Variants in CPED1 observed in about 807,000 individuals in gnomAD.
CPED1 encodes cadherin like and PC-esterase domain containing 1.
In CPED1, 114 loss-of-function variants were observed where a neutral mutation model predicts 128.2. The ratio of observed to expected loss-of-function variants is 0.89; its 90% CI spans 0.76 to 1.04. The LOEUF is 1.04. CPED1 is among the 50% of genes least tolerant of loss of function. CPED1 has a pLI of 0.00. For synonymous variants in CPED1, 462 were observed against 426.7 expected, an observed-to-expected ratio of 1.08 and a Z score of -1.02; for missense variants, 1,211 against 1,207.1, an observed-to-expected ratio of 1.00 and a Z score of -0.05.
Position 120,989,607 on chromosome 7 carries a change from G to A in CPED1, c.-15G>A. The A allele has an allele frequency of 1.2e-6, 2 of 1,612,490 alleles. No individual in the cohort carries two copies. Among genetic ancestry groups the A allele is most frequent in the Non-Finnish European group, 1.7e-6 (2 of 1,179,302 alleles). On this transcript the variant is annotated 5_prime_UTR_variant, in exon 2 of 23. An upstream open reading frame in the 5' UTR loses its in-frame stop. Transcript: ENST00000310396. Reference sequence around the variant, plus strand: ...CCCGCAACGTGGACAGGGGCCAAGTGAAGCTGAACTGGTCATGGTCTGTCG... The same window carrying A: ...CCCGCAACGTGGACAGGGGCCAAGTAAAGCTGAACTGGTCATGGTCTGTCG...
At chr7:121,155,236 C>T (rs563469625) in intron 16 of CPED1, among the ~76,000 whole-genome samples, 2 of 152,266 alleles carry the variant, frequency 1.3e-5, no homozygotes, top group East Asian at 3.9e-4. Flanking sequence ...GAAAGATGTT[C>T]CATGCTCATG....
chr7:121,073,827 G>A (rs945026270), intron 5 of CPED1, among the ~76,000 whole-genome samples: 1 of 65,220 alleles, frequency 1.5e-5, no homozygotes, highest in East Asian at 4.2e-4. Context: ...TTTTTTTTTT[G>A]CCAAATCCAC....
At chr7:121,020,629 A>G (rs2116827968) in intron 3 of CPED1, among the ~76,000 whole-genome samples, 1 of 152,046 alleles carries the variant, frequency 6.6e-6, no homozygotes, top group Admixed American at 6.6e-5. Flanking sequence ...GAAGGTTTAC[A>G]ATAAAATATA....
At position 121,015,685 on chromosome 7, in the gene CPED1, A is replaced by C. The variant is rs2116813583; in HGVS notation, c.270A>C (p.Thr90=). 1.2e-6 allele frequency: 2 copies of C among 1,600,034 alleles called. 1 individual carries two copies. Among genetic ancestry groups the C allele is most frequent in the Admixed American group, 3.6e-5 (2 of 55,960 alleles). The change falls in exon 3 of 23, where the codon ACA becomes ACC. Residue 90 remains threonine (T), a synonymous_variant. Transcript: ENST00000310396. ...ETRKVKESME[T]HFGSHGRRAI... is the part of the protein sequence containing the mutation. ...CTTAGGTCAAAGAATCAATGGAGACACACTTTGGCAGCCATGGCCGAAGGG... is the reference window on the plus strand; with the variant it reads ...CTTAGGTCAAAGAATCAATGGAGACCCACTTTGGCAGCCATGGCCGAAGGG...
rs1157885862 is a variant in CPED1 at position 121,074,509 on chromosome 7, G to GTTTTTTTTTTTTTTT, written c.616+10200_616+10214dup. On this transcript the variant is annotated intron_variant, in intron 5 of 22. Coordinates refer to ENST00000310396, the MANE Select transcript of CPED1 (RefSeq NM_024913.5). ...TTCCTTACTAATAAATTTCCTTTGT[G>GTTTTTTTTTTTTTTT]TTTTTTTTTTTTTTTTTTGAGGGCA... is the stretch of plus-strand genomic sequence containing the variant. Among the ~76,000 whole-genome samples the GTTTTTTTTTTTTTTT allele has an allele frequency of 5.9e-4, 48 of 80,834 alleles. 1 individual carries two copies. The highest frequency in any genetic ancestry group is 1.0e-3 in the African/African-American group (22 of 22,022). The allele number at this position is 80,834 out of a possible 152,430, so 53.0% of individuals were successfully genotyped here. A position where few individuals can be genotyped will look rare whatever the true frequency, so the allele number is the denominator to read the frequency against.
intron 18 of CPED1, among the ~76,000 whole-genome samples, chr7:121,257,615 A>C (rs1466709692): frequency 1.3e-5 from 2 of 152,080 alleles, no homozygotes; most frequent in African/African-American, 4.8e-5. Flanking sequence ...TCACAAATAC[A>C]ACTATGACTA....
intron 2 of CPED1, among the ~76,000 whole-genome samples, chr7:121,003,430 G>T (rs1034762759): frequency 6.6e-6 from 1 of 152,122 alleles, no homozygotes; most frequent in Non-Finnish European, 1.5e-5. Context: ...GAGAGTTTAA[G>T]GACTTGAAAA....
At chr7:121,225,708 C>A (rs1215013578) in intron 16 of CPED1, among the ~76,000 whole-genome samples, 1 of 152,082 alleles carries the variant, frequency 6.6e-6, no homozygotes, top group East Asian at 1.9e-4. Flanking sequence ...ACCTTGTTTT[C>A]TCTCTTCATT....
intron 5 of CPED1, among the ~76,000 whole-genome samples, chr7:121,076,905 T>C (rs1794139885): frequency 6.6e-6 from 1 of 151,932 alleles, no homozygotes; most frequent in South Asian, 2.1e-4. Flanking sequence ...TGGATATTGG[T>C]GGATTTTTTT....
chr7:121,245,089 A>G (rs772059827), intron 18 of CPED1, among the ~76,000 whole-genome samples: 3 of 152,222 alleles, frequency 2.0e-5, no homozygotes, highest in Non-Finnish European at 4.4e-5. Context: ...GCTCTCACAC[A>G]TGAGCAAGAC....
intron 6 of CPED1, among the ~76,000 whole-genome samples, chr7:121,099,341 C>T (rs1384912161): frequency 2.0e-5 from 3 of 151,926 alleles, no homozygotes; most frequent in Non-Finnish European, 4.4e-5. Context: ...CTACATACTA[C>T]CTTTCCACCT....
At chr7:121,024,186 CT>C (rs1426842904) in intron 3 of CPED1, among the ~76,000 whole-genome samples, 2 of 152,108 alleles carry the variant, frequency 1.3e-5, no homozygotes, top group Non-Finnish European at 2.9e-5. Context: ...CTCACTGGAG[CT>C]CAAGGAATGT....
At chr7:121,227,750 G>A (rs1190142432) in intron 16 of CPED1, among the ~76,000 whole-genome samples, 3 of 151,978 alleles carry the variant, frequency 2.0e-5, no homozygotes, top group Non-Finnish European at 4.4e-5. Flanking sequence ...GATAATATGT[G>A]TAAATAACTT....
At chr7:121,287,413 A>G (rs1044718296) in intron 22 of CPED1, among the ~76,000 whole-genome samples, 2 of 152,194 alleles carry the variant, frequency 1.3e-5, no homozygotes, top group African/African-American at 4.8e-5. Context: ...ACTGTTTACC[A>G]TGGAAAAGAG....
At chr7:121,215,793 TA>T (rs1442984147) in intron 16 of CPED1, among the ~76,000 whole-genome samples, 2 of 152,112 alleles carry the variant, frequency 1.3e-5, no homozygotes, top group African/African-American at 4.8e-5. Flanking sequence ...AAAATTATCT[TA>T]ATTTACTCAT....
In CPED1 at chr7:121,236,754, TA is replaced by T; in HGVS notation, c.2097del (p.Leu699PhefsTer17). ...ATTCATCCAGAGGAAACCTGTGGGT[TA>T]CAGCCTATTTCTTCTGACTACATTG... is the stretch of plus-strand genomic sequence containing the variant. ...LLIHPEETCG[L>X]QPISSDYIEA... On this transcript the variant is annotated frameshift_variant, in exon 17 of 23. Coordinates refer to ENST00000310396, the MANE Select transcript of CPED1 (RefSeq NM_024913.5). LOFTEE classifies it high-confidence loss of function. 6.2e-7 allele frequency: 1 copy of T among 1,609,718 alleles called. No individual in the cohort carries two copies. Among genetic ancestry groups the T allele is most frequent in the Admixed American group, 1.7e-5 (1 of 58,958 alleles).
chr7:121,159,296 A>C (rs1341275327), intron 16 of CPED1, among the ~76,000 whole-genome samples: 1 of 152,182 alleles, frequency 6.6e-6, no homozygotes, highest in Non-Finnish European at 1.5e-5. Flanking sequence ...TACTCTTCTG[A>C]TTTGTAAAAC....
At chr7:121,047,711 TC>T (rs1760608031) in intron 4 of CPED1, among the ~76,000 whole-genome samples, 1 of 70,364 alleles carries the variant, frequency 1.4e-5, no homozygotes, top group Non-Finnish European at 2.8e-5. Context: ...TTCTTCTTCT[TC>T]TTCTTTTTTT....
At chr7:121,096,869 A>C (rs1794711685) in intron 5 of CPED1, among the ~76,000 whole-genome samples, 1 of 152,170 alleles carries the variant, frequency 6.6e-6, no homozygotes, top group Admixed American at 6.6e-5. Flanking sequence ...AATTAAAAAA[A>C]CAAACAGAAA....
Sources: gnomAD v4.1 joint callset for allele counts (sites outside exome capture counted in the v4.1 genomes callset) on GRCh38, gnomAD v4.1.1 for gene constraint, MANE v1.5 for transcripts, NCBI Gene and HGNC (gene_info 2026-07-23, HGNC 2026-07-21) for gene names.